The following PLPPR4 variants were observed in gnomAD, a reference collection of about 807,000 sequenced individuals.
PLPPR4 encodes phospholipid phosphatase related 4.
PLPPR4 carries 24 observed loss-of-function variants against 56.6 expected under a neutral mutation model. The ratio of observed to expected loss-of-function variants is 0.42; its 90% CI spans 0.31 to 0.60. The LOEUF is 0.60. Among genes scored for constraint, PLPPR4 ranks in the 20% least tolerant of loss-of-function variants. The pLI is 0.13. For missense variants in PLPPR4, 654 were observed against 885.8 expected (o/e 0.74, Z 3.32); for synonymous variants, 326 against 328.1 (o/e 0.99, Z 0.07).
chr1:99,305,989 C>A lies in PLPPR4; in HGVS notation c.1127C>A (p.Ser376Tyr). ...SNTLPRANTP[S>Y]VEDPVRRNAS... The stretch of plus-strand genomic sequence containing the variant: ...ACCTTGCCGCGAGCCAATACCCCAT[C>A]TGTAGAAGACCCTGTCAGAAGAAAT... Residue 376 changes from serine to tyrosine, a missense_variant, in exon 7 of 7, where the codon TCT becomes TAT. By Grantham distance (144) the Ser-to-Tyr change is moderately radical. Transcript: ENST00000370185. 6.2e-7 allele frequency: 1 copy of A among 1,614,170 alleles called. No homozygotes were observed.
intron 2 of PLPPR4, among the ~76,000 whole-genome samples, chr1:99,295,798 G>A (rs370092707): frequency 2.6e-5 from 4 of 152,182 alleles, no homozygotes; most frequent in African/African-American, 9.6e-5. Flanking sequence ...TGCTTGACAA[G>A]TGAAGGTGAA....
At position 99,275,027 on chromosome 1, in the gene PLPPR4, G is replaced by A. The variant is rs542408926; in HGVS notation, c.78+10356G>A. 2.0e-5 allele frequency among the ~76,000 whole-genome samples: 3 copies of A among 151,962 alleles called. No homozygotes were observed. In the South Asian group the frequency reaches 6.2e-4, roughly 32 times the overall value. The stretch of plus-strand genomic sequence containing the variant: ...ATTCATTGGAATCTTTTTTTTTAAG[G>A]CAGTTGGATACACCCTGAAGAATTA... On this transcript the variant is annotated intron_variant, in intron 1 of 6. Coordinates refer to ENST00000370185, the MANE Select transcript of PLPPR4 (RefSeq NM_014839.5).
At chr1:99,276,949 T>C (rs1005140552) in intron 1 of PLPPR4, among the ~76,000 whole-genome samples, 2 of 152,200 alleles carry the variant, frequency 1.3e-5, no homozygotes, top group African/African-American at 4.8e-5. Context: ...AGCATTGTTA[T>C]GATGGAGAAG....
chr1:99,272,196 T>G (rs1659078298), intron 1 of PLPPR4, among the ~76,000 whole-genome samples: 1 of 152,134 alleles, frequency 6.6e-6, no homozygotes, highest in African/African-American at 2.4e-5. Flanking sequence ...ATTACAGAGA[T>G]AAGGCTAATA....
intron 1 of PLPPR4, among the ~76,000 whole-genome samples, chr1:99,265,429 A>T (rs1658871219): frequency 6.6e-6 from 1 of 152,230 alleles, no homozygotes; most frequent in Admixed American, 6.5e-5. Context: ...ACTTACCAAA[A>T]TGCAGTATTT....
chr1:99,267,577 T>C (rs1167803883), intron 1 of PLPPR4, among the ~76,000 whole-genome samples: 1 of 152,216 alleles, frequency 6.6e-6, no homozygotes, highest in Non-Finnish European at 1.5e-5. Context: ...TATTATGAGG[T>C]TAAAGGATCA....
chr1:99,306,629 G>T lies in PLPPR4; in HGVS notation c.1767G>T (p.Pro589=), dbSNP rs201385642. 18 of 1,613,990 alleles carry T rather than the reference G, an allele frequency of 1.1e-5. No individual in the cohort carries two copies. The highest frequency in any genetic ancestry group is 1.5e-5 in the Non-Finnish European group (18 of 1,180,028). Residue 589 remains proline (P), a synonymous_variant, in exon 7 of 7, where the codon CCG becomes CCT. Transcript: ENST00000370185. The surrounding 1 kb of genome is among the most constrained non-coding windows in gnomAD (Gnocchi z 4.0). ...ACAACAGGCCCATCATACAGATCCCGTCCACTGAAGGTGAAGGCAGTGGCT... is the reference window on the plus strand; with the variant it reads ...ACAACAGGCCCATCATACAGATCCCTTCCACTGAAGGTGAAGGCAGTGGCT... ...PENNRPIIQI[P]STEGEGSGSW...
At chr1:99,269,505 T>C (rs948578526) in intron 1 of PLPPR4, among the ~76,000 whole-genome samples, 2 of 152,252 alleles carry the variant, frequency 1.3e-5, no homozygotes, top group African/African-American at 4.8e-5. Flanking sequence ...AGAATTACAG[T>C]GGTCCCTCTG....
chr1:99,264,883 G>A (rs2100778920), intron 1 of PLPPR4, among the ~76,000 whole-genome samples: 1 of 152,264 alleles, frequency 6.6e-6, no homozygotes, highest in South Asian at 2.1e-4. Context: ...ACCATTAGAG[G>A]TGTCGCTGCT....
At chr1:99,269,463 T>C (rs1658995668) in intron 1 of PLPPR4, among the ~76,000 whole-genome samples, 1 of 152,236 alleles carries the variant, frequency 6.6e-6, no homozygotes, top group Non-Finnish European at 1.5e-5. Context: ...ATAAGGCTGG[T>C]TGTCTGGGGC....
At chr1:99,291,077 A>G (rs1472586473) in intron 2 of PLPPR4, among the ~76,000 whole-genome samples, 2 of 151,700 alleles carry the variant, frequency 1.3e-5, no homozygotes, top group Non-Finnish European at 2.9e-5. Flanking sequence ...CATTTGTAAG[A>G]AACTTAAACA....
At chr1:99,270,915 A>C (rs1259179716) in intron 1 of PLPPR4, among the ~76,000 whole-genome samples, 2 of 152,252 alleles carry the variant, frequency 1.3e-5, no homozygotes, top group Non-Finnish European at 2.9e-5. Flanking sequence ...AATAAAGTAA[A>C]TAGAGAACAG....
chr1:99,266,010 A>G (rs181083755), intron 1 of PLPPR4, among the ~76,000 whole-genome samples: 7 of 152,362 alleles, frequency 4.6e-5, no homozygotes, highest in Admixed American at 3.3e-4. Flanking sequence ...TAATGAATCC[A>G]TTTATTATCC....
chr1:99,264,121 C>G (rs1658829086), upstream of PLPPR4: 1 of 357,966 alleles, frequency 2.8e-6, no homozygotes, highest in Non-Finnish European at 5.0e-6. Context: ...AATAGCATTC[C>G]TAGAGTGACC....
chr1:99,295,084 G>A (rs1207349682), intron 2 of PLPPR4, among the ~76,000 whole-genome samples: 1 of 152,142 alleles, frequency 6.6e-6, no homozygotes, highest in Non-Finnish European at 1.5e-5. Context: ...GCTAATGTAG[G>A]ACTATATTTT....
chr1:99,300,858 T>C (rs935306228), intron 4 of PLPPR4, 51 bp from the exon 5 acceptor site: 21 of 1,335,296 alleles, frequency 1.6e-5, no homozygotes, highest in Non-Finnish European at 2.0e-5. Context: ...AGATGATTGC[T>C]AGCAGTGTAT....
chr1:99,293,066 G>A (rs7548815), intron 2 of PLPPR4, among the ~76,000 whole-genome samples: 1,596 of 152,218 alleles, frequency 0.01, 21 homozygotes, highest in African/African-American at 0.032. Context: ...AGAACTCTCC[G>A]TTTGGGAATG....
At chr1:99,275,704 C>T (rs1659167795) in intron 1 of PLPPR4, among the ~76,000 whole-genome samples, 2 of 152,178 alleles carry the variant, frequency 1.3e-5, no homozygotes, top group Non-Finnish European at 2.9e-5. Flanking sequence ...GACTTCACTG[C>T]TCAAATGTAT....
upstream of PLPPR4, chr1:99,264,112 A>G (rs1009144249): frequency 1.6e-5 from 5 of 303,474 alleles, no homozygotes; most frequent in Non-Finnish European, 3.0e-5. Flanking sequence ...GCATTCTTTA[A>G]TAGCATTCCT....
Sources: allele counts gnomAD v4.1 joint callset (sites outside exome capture counted in the v4.1 genomes callset), GRCh38; gene constraint gnomAD v4.1.1; non-coding constraint Gnocchi (gnomAD v3.1); transcripts MANE v1.5; gene names NCBI Gene and HGNC (gene_info 2026-07-23, HGNC 2026-07-21).